The following ZHX2 variants were observed in gnomAD, a reference collection of about 807,000 sequenced individuals.
ZHX2 encodes the protein zinc fingers and homeoboxes protein 2.
Under a neutral mutation model 21.9 loss-of-function variants are expected in ZHX2, and 6 were observed. The observed-to-expected ratio is 0.27, with a 90% CI of 0.15 to 0.54. ZHX2 has a LOEUF of 0.54. Among genes scored for constraint, ZHX2 ranks in the 20% least tolerant of loss-of-function variants. The pLI, the probability that ZHX2 is intolerant of heterozygous loss-of-function variation, is 0.95. For synonymous variants in ZHX2, 434 were observed against 437.1 expected (o/e 0.99, Z 0.09); for missense variants, 908 against 1,090.7 (o/e 0.83, Z 2.36).
intron 2 of ZHX2, among the ~76,000 whole-genome samples, chr8:122,933,883 A>T (rs1812611365): frequency 6.6e-6 from 1 of 152,140 alleles, no homozygotes; most frequent in Admixed American, 6.5e-5. Flanking sequence ...TTTACAATAC[A>T]TCTAGGTCTG....
Position 122,856,243 on chromosome 8 carries a change from T to A in ZHX2, c.-282-7234T>A, listed in dbSNP as rs964791223. On this transcript the variant is annotated intron_variant, in intron 1 of 3. Coordinates refer to ENST00000314393, the MANE Select transcript of ZHX2 (RefSeq NM_014943.5). ...TAACCAAGAATATGCTATCTCCCTA[T>A]GCTAAAGAAAGTGGTTTCAAATTAT... is the stretch of plus-strand genomic sequence containing the variant. 2.0e-5 allele frequency among the ~76,000 whole-genome samples: 3 copies of A among 152,326 alleles called. No homozygotes were observed. The East Asian group carries it at 5.8e-4, about 29-fold the overall frequency.
At chr8:122,877,232 G>T (rs1202909949) in intron 2 of ZHX2, among the ~76,000 whole-genome samples, 1 of 152,136 alleles carries the variant, frequency 6.6e-6, no homozygotes, top group African/African-American at 2.4e-5. Context: ...TTGCCATGAG[G>T]TTTAAAATGA....
At chr8:122,853,479 C>T (rs1818951081) in intron 1 of ZHX2, among the ~76,000 whole-genome samples, 2 of 152,162 alleles carry the variant, frequency 1.3e-5, no homozygotes, top group Non-Finnish European at 2.9e-5. Context: ...CCTTCTGGAA[C>T]TCCCGGTCAT....
At chr8:122,856,206 T>G (rs1819018024) in intron 1 of ZHX2, among the ~76,000 whole-genome samples, 1 of 152,180 alleles carries the variant, frequency 6.6e-6, no homozygotes, top group Non-Finnish European at 1.5e-5. Context: ...CTAAACTGAG[T>G]CTGTCAGTCT....
intron 1 of ZHX2, among the ~76,000 whole-genome samples, chr8:122,853,286 A>G (rs1234169620): frequency 6.6e-6 from 1 of 152,086 alleles, no homozygotes; most frequent in African/African-American, 2.4e-5. Context: ...TTCACATCGT[A>G]TTTCCTTCTG....
chr8:122,816,183 C>T (rs1818031780), intron 1 of ZHX2, among the ~76,000 whole-genome samples: 1 of 151,878 alleles, frequency 6.6e-6, no homozygotes, highest in South Asian at 2.1e-4. Context: ...AGACCTTCCA[C>T]CATCAAAAGG....
At chr8:122,890,999 G>C (rs1819961439) in intron 2 of ZHX2, among the ~76,000 whole-genome samples, 1 of 152,054 alleles carries the variant, frequency 6.6e-6, no homozygotes, top group Admixed American at 6.6e-5. Context: ...ATATTGGCCT[G>C]TAGTTTTCTT....
intron 1 of ZHX2, among the ~76,000 whole-genome samples, chr8:122,841,649 AG>A (rs1818631079): frequency 6.6e-6 from 1 of 152,132 alleles, no homozygotes; most frequent in South Asian, 2.1e-4. Flanking sequence ...GATTGCTTTG[AG>A]GGTGTTTCAG....
In ZHX2 at chr8:122,826,701, G is replaced by A. The variant is rs189633299; in HGVS notation, c.-282-36776G>A. On this transcript the variant is annotated intron_variant, in intron 1 of 3. Coordinates refer to ENST00000314393, the MANE Select transcript of ZHX2 (RefSeq NM_014943.5). ...GCCAAAAGGTCTGTGTGTAAGGGGC[G>A]ATTGTCTTTGGAAAGGTGGAAGCTT... Among the ~76,000 whole-genome samples the A allele has an allele frequency of 2.0e-4, 31 of 152,246 alleles. No individual in the cohort carries two copies. In the East Asian group the frequency reaches 5.6e-3, roughly 28 times the overall value.
chr8:122,951,125 G>T (rs1182375636), intron 2 of ZHX2, among the ~76,000 whole-genome samples, 167 bp from the exon 3 acceptor site: 6 of 152,134 alleles, frequency 3.9e-5, no homozygotes, highest in African/African-American at 9.7e-5. Context: ...AGGAAGAGAA[G>T]AAGAATGTGA....
intron 2 of ZHX2, among the ~76,000 whole-genome samples, chr8:122,944,184 A>G (rs1274044639): frequency 6.6e-6 from 1 of 152,056 alleles, no homozygotes; most frequent in Non-Finnish European, 1.5e-5. Context: ...CAGGGTTTGG[A>G]CAGACTGGTC....
intron 2 of ZHX2, among the ~76,000 whole-genome samples, chr8:122,878,905 G>A (rs1030434281): frequency 3.3e-5 from 5 of 152,050 alleles, no homozygotes; most frequent in African/African-American, 1.2e-4. Context: ...TTGACATTGG[G>A]GCATTTAAGT....
intron 2 of ZHX2, among the ~76,000 whole-genome samples, chr8:122,919,140 C>T (rs1201123629): frequency 6.6e-6 from 1 of 152,152 alleles, no homozygotes; most frequent in Admixed American, 6.5e-5. Context: ...ACCCCACCAT[C>T]AGCACAGCAC....
At chr8:122,786,784 C>T (rs1306744778) in intron 1 of ZHX2, among the ~76,000 whole-genome samples, 1 of 151,712 alleles carries the variant, frequency 6.6e-6, no homozygotes, top group Admixed American at 6.6e-5. Flanking sequence ...AGGTACCACA[C>T]GTACGGTACC....
intron 3 of ZHX2, among the ~76,000 whole-genome samples, chr8:122,962,282 T>C (rs1813476347): frequency 6.6e-6 from 1 of 152,164 alleles, no homozygotes; most frequent in East Asian, 1.9e-4. Context: ...CCCCCTCTCA[T>C]CCTTCCCCTG....
At chr8:122,912,321 C>A (rs886269110) in intron 2 of ZHX2, among the ~76,000 whole-genome samples, 1 of 152,200 alleles carries the variant, frequency 6.6e-6, no homozygotes. Context: ...GTCCACCAGC[C>A]ACAGGCTGGC....
At chr8:122,803,873 C>T (rs1287445051) in intron 1 of ZHX2, among the ~76,000 whole-genome samples, 1 of 152,136 alleles carries the variant, frequency 6.6e-6, no homozygotes, top group African/African-American at 2.4e-5. Context: ...GATGTTTTCC[C>T]AGGTGAGCCT....
intron 3 of ZHX2, among the ~76,000 whole-genome samples, chr8:122,964,233 G>A (rs577966160): frequency 3.2e-4 from 49 of 152,198 alleles, no homozygotes; most frequent in African/African-American, 1.1e-3. Context: ...GTTTTCAGGG[G>A]AACTACTTTC....
intron 2 of ZHX2, among the ~76,000 whole-genome samples, chr8:122,886,267 T>C (rs974806551): frequency 2.0e-5 from 3 of 152,176 alleles, no homozygotes; most frequent in African/African-American, 7.2e-5. Context: ...TATATAACAT[T>C]CTGGCACAGG....
Sources: allele counts gnomAD v4.1 joint callset (sites outside exome capture counted in the v4.1 genomes callset), GRCh38; gene constraint gnomAD v4.1.1; transcripts MANE v1.5; gene names NCBI Gene and HGNC (gene_info 2026-07-23, HGNC 2026-07-21).